The following CSMD1 variants were observed in gnomAD, a reference collection of about 807,000 sequenced individuals.
The protein encoded by CSMD1 is CUB and Sushi multiple domains 1.
In CSMD1, 213 loss-of-function variants were observed where a neutral mutation model predicts 417.5. The observed-to-expected ratio is 0.51, with a 90% CI of 0.46 to 0.57. CSMD1 has a LOEUF of 0.57. Ranked by LOEUF, CSMD1 falls within the 20% of genes least tolerant of loss-of-function variation. The pLI is 0.00. For missense variants in CSMD1, 6,923 were observed against 4,529.7 expected (o/e 1.53, Z -15.17); for synonymous variants, 2,862 against 1,736.8 (o/e 1.65, Z -16.11).
At chr8:4,835,268 G>C (rs1247058307) in intron 1 of CSMD1, among the ~76,000 whole-genome samples, 1 of 152,052 alleles carries the variant, frequency 6.6e-6, no homozygotes, top group East Asian at 1.9e-4. Flanking sequence ...ACTAAGGAGA[G>C]GTTACAATAC....
rs552231151 is a variant in CSMD1, at chr8:4,156,333, G to C, written c.416-124234C>G. 3.3e-5 allele frequency among the ~76,000 whole-genome samples: 5 copies of C among 152,220 alleles called. No homozygotes were observed. In the South Asian group the frequency reaches 6.2e-4, roughly 19 times the overall value. ...TGAAGGCTCTGAACGGCCGTGCAAA[G>C]TTTATGTTCTCTCTGGTTTTGATAA... On this transcript the variant is annotated intron_variant, in intron 3 of 69. Transcript: ENST00000635120.
rs774986931 is a variant in CSMD1 at position 3,284,321 on chromosome 8, C to T, written c.3976G>A (p.Glu1326Lys). The T allele has an allele frequency of 6.2e-7, 1 of 1,613,818 alleles. No individual in the cohort carries two copies. The highest frequency in any genetic ancestry group is 8.5e-7 in the Non-Finnish European group (1 of 1,179,854). Reference sequence around the variant, plus strand: ...ACCTTGAGGATGTCGTGAGCCATCTCCGTGTCGAAAACAATGAAATGGAGG... The same window carrying T: ...ACCTTGAGGATGTCGTGAGCCATCTTCGTGTCGAAAACAATGAAATGGAGG... ...ISLHFIVFDT[E>K]MAHDILKVWD... The change falls in exon 26 of 70, where the codon GAG becomes AAG. Residue 1326 changes from glutamate (E) to lysine (K), a missense_variant. Coordinates refer to ENST00000635120, the MANE Select transcript of CSMD1 (RefSeq NM_033225.6).
chr8:4,179,092 G>A (rs900590813), intron 3 of CSMD1, among the ~76,000 whole-genome samples: 9 of 152,018 alleles, frequency 5.9e-5, no homozygotes, highest in Admixed American at 2.0e-4. Flanking sequence ...AAGTTCATAT[G>A]GAAACAAAAA....
chr8:4,943,314 T>C (rs2117246593), intron 1 of CSMD1, among the ~76,000 whole-genome samples: 1 of 151,908 alleles, frequency 6.6e-6, no homozygotes, highest in Middle Eastern at 3.4e-3. Context: ...GCTGACACTA[T>C]GAAAACCCGT....
At chr8:3,161,414 C>G (rs549327630) in intron 38 of CSMD1, among the ~76,000 whole-genome samples, 3 of 151,956 alleles carry the variant, frequency 2.0e-5, no homozygotes, top group Non-Finnish European at 2.9e-5. Context: ...GTCAGGAGTT[C>G]GAGACCAGCT....
intron 12 of CSMD1, among the ~76,000 whole-genome samples, chr8:3,434,905 T>G (rs1397973636): frequency 6.6e-6 from 1 of 152,234 alleles, no homozygotes; most frequent in African/African-American, 2.4e-5. Context: ...TACTTGTGAT[T>G]GGTTTAAGTC....
chr8:3,240,166 C>G (rs561077574), intron 26 of CSMD1, among the ~76,000 whole-genome samples: 8 of 151,994 alleles, frequency 5.3e-5, no homozygotes, highest in Non-Finnish European at 8.8e-5. Context: ...CGGTGCGGTC[C>G]CGGTTCTTGT....
intron 1 of CSMD1, among the ~76,000 whole-genome samples, chr8:4,648,833 T>C (rs1036603601): frequency 6.6e-6 from 1 of 152,122 alleles, no homozygotes; most frequent in African/African-American, 2.4e-5. Flanking sequence ...AATGTGTGTT[T>C]ATAGTTGGTC....
At chr8:4,355,369 ACT>A (rs1293070958) in intron 3 of CSMD1, among the ~76,000 whole-genome samples, 16 of 151,760 alleles carry the variant, frequency 1.1e-4, no homozygotes, top group Middle Eastern at 3.4e-3. Flanking sequence ...CACACACAAA[ACT>A]CTACAAAAAT....
chr8:3,631,460 G>A (rs985563803), intron 7 of CSMD1, among the ~76,000 whole-genome samples: 1 of 152,204 alleles, frequency 6.6e-6, no homozygotes, highest in African/African-American at 2.4e-5. Flanking sequence ...AGAATAGGCA[G>A]ATAAAACAAC....
At chr8:3,412,516 G>C (rs1563363079) in intron 12 of CSMD1, among the ~76,000 whole-genome samples, 1 of 152,124 alleles carries the variant, frequency 6.6e-6, no homozygotes, top group Non-Finnish European at 1.5e-5. Context: ...AAGAAGTGAA[G>C]TTTGATACAT....
chr8:3,679,667 G>C (rs1036715460), intron 7 of CSMD1, among the ~76,000 whole-genome samples: 1 of 152,122 alleles, frequency 6.6e-6, no homozygotes, highest in Non-Finnish European at 1.5e-5. Context: ...ATTGAACTGA[G>C]CTCTGCACCA....
chr8:3,765,050 G>A (rs934078097), intron 5 of CSMD1, among the ~76,000 whole-genome samples: 1 of 152,040 alleles, frequency 6.6e-6, no homozygotes, highest in Non-Finnish European at 1.5e-5. Context: ...TGGCTGCACT[G>A]CCCTTTTTTC....
At chr8:4,059,608 G>T (rs1446589995) in intron 3 of CSMD1, among the ~76,000 whole-genome samples, 11 of 151,864 alleles carry the variant, frequency 7.2e-5, no homozygotes, top group Non-Finnish European at 1.5e-4. Context: ...TGATAAAGGG[G>T]ATATCACCAC....
chr8:4,284,326 C>T (rs1245614431), intron 3 of CSMD1, among the ~76,000 whole-genome samples: 6 of 152,080 alleles, frequency 3.9e-5, no homozygotes, highest in East Asian at 1.9e-4. Flanking sequence ...CGAGATCCTG[C>T]CAATGCACTC....
chr8:3,678,927 C>A (rs532238351), intron 7 of CSMD1, among the ~76,000 whole-genome samples: 49 of 152,198 alleles, frequency 3.2e-4, no homozygotes, highest in African/African-American at 1.1e-3. Flanking sequence ...ATTTCATATC[C>A]AGCCAAATTA....
intron 1 of CSMD1, among the ~76,000 whole-genome samples, chr8:4,706,686 A>G (rs961236350): frequency 6.6e-6 from 1 of 152,246 alleles, no homozygotes; most frequent in Non-Finnish European, 1.5e-5. Context: ...GCTGAAGTTA[A>G]TAATGGCATG....
chr8:3,400,388 ATTTAT>A (rs1415201879), intron 15 of CSMD1, among the ~76,000 whole-genome samples: 2 of 152,130 alleles, frequency 1.3e-5, no homozygotes, highest in Admixed American at 6.6e-5. Context: ...TGGAAAAAAT[ATTTAT>A]TTTATTTAAA....
intron 1 of CSMD1, among the ~76,000 whole-genome samples, chr8:4,955,504 G>A (rs1323602457): frequency 6.6e-6 from 1 of 151,566 alleles, no homozygotes; most frequent in African/African-American, 2.4e-5. Context: ...CACCCAGGCT[G>A]GAGTGCAGTG....
Sources: gnomAD v4.1 joint callset for allele counts (sites outside exome capture counted in the v4.1 genomes callset) on GRCh38, gnomAD v4.1.1 for gene constraint, MANE v1.5 for transcripts, NCBI Gene and HGNC (gene_info 2026-07-23, HGNC 2026-07-21) for gene names.